Variants in COL5A1 observed in about 807,000 individuals in gnomAD.
COL5A1 encodes collagen type V alpha 1 chain.
Under a neutral mutation model 263.7 loss-of-function variants are expected in COL5A1, and 16 were observed. The observed-to-expected ratio is 0.06, with a 90% CI of 0.04 to 0.09. The LOEUF (loss-of-function observed/expected upper bound fraction) is 0.09, where lower values mean the gene tolerates loss of function less well. Ranked by LOEUF, COL5A1 falls within the 10% of genes least tolerant of loss-of-function variation. The probability of loss-of-function intolerance (pLI) is 1.00; values close to 1 mark genes in which losing one functional copy is unlikely to be tolerated. For synonymous variants in COL5A1, 1,012 were observed against 1,004.5 expected, an observed-to-expected ratio of 1.01 and a Z score of -0.14; for missense variants, 2,036 against 2,540.5, an observed-to-expected ratio of 0.80 and a Z score of 4.27.
At chr9:134,707,926 G>A (rs1833894265) in intron 4 of COL5A1, among the ~76,000 whole-genome samples, 1 of 152,220 alleles carries the variant, frequency 6.6e-6, no homozygotes, top group African/African-American at 2.4e-5. Flanking sequence ...TGAGCTGTGT[G>A]CGGCTGGCGG....
intron 48 of COL5A1, 107 bp downstream of exon 48, chr9:134,812,819 C>T (rs1838588327): frequency 1.2e-6 from 1 of 817,826 alleles, no homozygotes. Flanking sequence ...CATGCACACG[C>T]TTGTGGGGGT....
chr9:134,675,045 G>A (rs7855673), intron 1 of COL5A1, among the ~76,000 whole-genome samples: 35,648 of 152,036 alleles, frequency 0.23, 5,270 homozygotes, highest in African/African-American at 0.42. Flanking sequence ...TAACATTAAG[G>A]CACAGATGAG....
At chr9:134,812,764 G>A (rs1564476232) in intron 48 of COL5A1, 52 bp downstream of exon 48, 2 of 1,149,240 alleles carry the variant, frequency 1.7e-6, no homozygotes, top group Admixed American at 4.1e-5. Context: ...TGAGGAGTGT[G>A]TGTGTGTGTC....
chr9:134,798,335 C>A, intron 36 of COL5A1, 73 bp from the exon 37 acceptor site: 1 of 1,374,364 alleles, frequency 7.3e-7, no homozygotes, highest in Non-Finnish European at 1.0e-6. Context: ...GGTCACTCCA[C>A]GTGGCATTAA....
At position 134,641,891 on chromosome 9, in the gene COL5A1, G is replaced by A. The variant is rs1831299206; in HGVS notation, c.-297G>A. On this transcript the variant is annotated 5_prime_UTR_variant, in exon 1 of 66. Transcript: ENST00000371817. ...CGGGTCGCGGGGCGGCGGCGGCGAGGAGGAGGCGAGAAGGAGTTGGAGGAG... is the reference window on the plus strand; with the variant it reads ...CGGGTCGCGGGGCGGCGGCGGCGAGAAGGAGGCGAGAAGGAGTTGGAGGAG... 1 of 390,290 alleles carries A rather than the reference G, an allele frequency of 2.6e-6. No homozygotes were observed. Among genetic ancestry groups the A allele is most frequent in the Middle Eastern group, 6.5e-4 (1 of 1,542 alleles). 24.2% of individuals were successfully genotyped at this position (390,290 alleles called of 1,614,324 possible).
Position 134,827,490 on chromosome 9 carries a change from C to G in COL5A1, c.5067+1586C>G, listed in dbSNP as rs529263249. Among the ~76,000 whole-genome samples the G allele has an allele frequency of 6.6e-5, 10 of 152,368 alleles. No individual in the cohort carries two copies. The South Asian group carries it at 2.1e-3, about 32-fold the overall frequency. On this transcript the variant is annotated intron_variant, in intron 63 of 65. Coordinates refer to ENST00000371817, the MANE Select transcript of COL5A1 (RefSeq NM_000093.5). ...TCCCTCAGTCTGGCCAGAGGCCCCGCGTGGAATTCCCTTAGAAAAGAGGTT... is the reference window on the plus strand; with the variant it reads ...TCCCTCAGTCTGGCCAGAGGCCCCGGGTGGAATTCCCTTAGAAAAGAGGTT...
chr9:134,816,418 C>T (rs1273143886), intron 52 of COL5A1, among the ~76,000 whole-genome samples: 1 of 152,258 alleles, frequency 6.6e-6, no homozygotes, highest in African/African-American at 2.4e-5. Flanking sequence ...CCGCTTCAAG[C>T]CCAGAACGTC....
At chr9:134,714,857 TAGTG>T (rs1834206743) in intron 4 of COL5A1, among the ~76,000 whole-genome samples, 1 of 148,690 alleles carries the variant, frequency 6.7e-6, no homozygotes, top group African/African-American at 2.5e-5. Context: ...GTGAAGGTGG[TAGTG>T]GAGGTGATGG....
rs542586825 is a variant in COL5A1, at chr9:134,694,640, G to A, written c.277+3561G>A. Reference sequence around the variant, plus strand: ...GCAGTCTGGGTTCTGGGATCTGTCCGACCAGGGAGCTCAACCCTGAGCCAC... The same window carrying A: ...GCAGTCTGGGTTCTGGGATCTGTCCAACCAGGGAGCTCAACCCTGAGCCAC... On this transcript the variant is annotated intron_variant, in intron 2 of 65. Transcript: ENST00000371817. 2.6e-5 allele frequency among the ~76,000 whole-genome samples: 4 copies of A among 152,330 alleles called. No individual in the cohort carries two copies. The East Asian group carries it at 5.8e-4, about 22-fold the overall frequency.
chr9:134,708,722 C>A (rs1406544717), intron 4 of COL5A1: 2 of 507,452 alleles, frequency 3.9e-6, no homozygotes, highest in Non-Finnish European at 7.9e-6. Context: ...AAGGACATTG[C>A]ACTCTGCATG....
At position 134,808,700 on chromosome 9, in the gene COL5A1, G is replaced by A. The variant is rs184129726; in HGVS notation, c.3367-483G>A. Among the ~76,000 whole-genome samples, 48 of 152,350 alleles carry A rather than the reference G, an allele frequency of 3.2e-4. No homozygotes were observed. The East Asian group carries it at 7.5e-3, about 24-fold the overall frequency. On this transcript the variant is annotated intron_variant, in intron 42 of 65. Transcript: ENST00000371817. Reference sequence around the variant, plus strand: ...TGTGCATGTATGCACATGTGTGTGCGTACATGTCTTCATGTGTGAGCATGC... The same window carrying A: ...TGTGCATGTATGCACATGTGTGTGCATACATGTCTTCATGTGTGAGCATGC...
intron 30 of COL5A1, among the ~76,000 whole-genome samples, chr9:134,785,461 G>T (rs1734873645): frequency 6.6e-6 from 1 of 152,230 alleles, no homozygotes; most frequent in Admixed American, 6.5e-5. Flanking sequence ...TGAAGGTGTG[G>T]CAGCCTGGCA....
intron 29 of COL5A1, among the ~76,000 whole-genome samples, chr9:134,783,174 G>A (rs1197098583): frequency 3.9e-5 from 6 of 152,362 alleles, no homozygotes; most frequent in East Asian, 3.9e-4. Context: ...AGCACGCGAC[G>A]TGGGTCTAGG....
chr9:134,668,954 C>T (rs368034992), intron 1 of COL5A1, among the ~76,000 whole-genome samples: 4,698 of 110,506 alleles, frequency 0.043, 255 homozygotes, highest in African/African-American at 0.14. Context: ...CACCCACCCA[C>T]CCATCCATCC....
At chr9:134,733,830 TC>T (rs1021154794) in intron 9 of COL5A1, among the ~76,000 whole-genome samples, 1 of 152,230 alleles carries the variant, frequency 6.6e-6, no homozygotes, top group African/African-American at 2.4e-5. Flanking sequence ...AGGTGGGACA[TC>T]CGGTTGCATT....
chr9:134,784,785 G>A (rs867473592), intron 29 of COL5A1, among the ~76,000 whole-genome samples: 2 of 152,258 alleles, frequency 1.3e-5, no homozygotes, highest in East Asian at 3.8e-4. Context: ...GAGCCCGGGA[G>A]CCCGGGAATT....
chr9:134,712,397 C>A (rs1459734997), intron 4 of COL5A1, among the ~76,000 whole-genome samples: 1 of 114,488 alleles, frequency 8.7e-6, no homozygotes, highest in Non-Finnish European at 1.8e-5. Context: ...TCTCGTTATC[C>A]CTGTCCCTGT....
intron 1 of COL5A1, among the ~76,000 whole-genome samples, chr9:134,673,983 T>C (rs529972684): frequency 4.1e-4 from 63 of 152,182 alleles, no homozygotes; most frequent in Middle Eastern, 3.4e-3. Flanking sequence ...GGGTTAGTCA[T>C]TGGAGAAATA....
chr9:134,738,988 A>G (rs1835203732), intron 11 of COL5A1, among the ~76,000 whole-genome samples, 180 bp downstream of exon 11: 1 of 152,162 alleles, frequency 6.6e-6, no homozygotes. Flanking sequence ...CTGGGGCTGA[A>G]CTGTGGCTAT....
Sources: gnomAD v4.1 joint callset for allele counts (sites outside exome capture counted in the v4.1 genomes callset) on GRCh38, gnomAD v4.1.1 for gene constraint, MANE v1.5 for transcripts, NCBI Gene and HGNC (gene_info 2026-07-23, HGNC 2026-07-21) for gene names.